The following DIAPH2 variants were observed in gnomAD, a reference collection of about 807,000 sequenced individuals.
DIAPH2 encodes diaphanous related formin 2.
In DIAPH2, 35 loss-of-function variants were observed where a neutral mutation model predicts 92.7. The observed-to-expected ratio is 0.38, with a 90% CI of 0.29 to 0.50. The LOEUF (loss-of-function observed/expected upper bound fraction) is 0.50. Ranked by LOEUF, DIAPH2 falls within the 20% of genes least tolerant of loss-of-function variation. The probability of loss-of-function intolerance (pLI) is 0.94; values close to 1 mark genes in which losing one functional copy is unlikely to be tolerated. For missense variants in DIAPH2, 701 were observed against 819.5 expected, an observed-to-expected ratio of 0.86 and a Z score of 1.77; for synonymous variants, 301 against 280.4, an observed-to-expected ratio of 1.07 and a Z score of -0.73.
intron 5 of DIAPH2, among the ~76,000 whole-genome samples, chrX:96,902,534 G>T (rs2065404995): frequency 9.0e-6 from 1 of 111,078 alleles, no homozygotes; most frequent in Non-Finnish European, 1.9e-5. Flanking sequence ...ATTTTTAAGT[G>T]TTCTCATAAC....
intron 1 of DIAPH2, among the ~76,000 whole-genome samples, chrX:96,723,266 T>G (rs190318022): frequency 1.8e-4 from 20 of 111,955 alleles, no homozygotes; most frequent in Admixed American, 1.5e-3. Context: ...TGAGGGAATT[T>G]AGATGCCAGG....
At chrX:96,715,759 G>A (rs938076845) in intron 1 of DIAPH2, among the ~76,000 whole-genome samples, 1 of 111,617 alleles carries the variant, frequency 9.0e-6, no homozygotes, top group South Asian at 3.8e-4. Context: ...GATGAGAAAC[G>A]ATTAGGGTTT....
At chrX:97,199,243 G>A (rs2067728499) in intron 22 of DIAPH2, among the ~76,000 whole-genome samples, 1 of 109,920 alleles carries the variant, frequency 9.1e-6, no homozygotes, top group Admixed American at 9.8e-5. Flanking sequence ...GTGTGTGTGT[G>A]TACGTGTGTG....
chrX:97,436,799 C>T (rs140108377), intron 26 of DIAPH2, among the ~76,000 whole-genome samples: 1,230 of 111,659 alleles, frequency 0.011, 16 homozygotes, highest in African/African-American at 0.038. Flanking sequence ...TAATATCATG[C>T]ATTTCTACGC....
intron 25 of DIAPH2, among the ~76,000 whole-genome samples, chrX:97,403,854 C>CTTT (rs775278102): frequency 1.3e-3 from 125 of 98,293 alleles, no homozygotes; most frequent in African/African-American, 4.2e-3. Context: ...ACAGATAATC[C>CTTT]TTTTTTTTTT....
intron 17 of DIAPH2, among the ~76,000 whole-genome samples, chrX:96,992,351 G>A (rs1448020859): frequency 9.0e-6 from 1 of 111,403 alleles, no homozygotes; most frequent in Non-Finnish European, 1.9e-5. Flanking sequence ...GATAATGAAA[G>A]CACATAACAA....
intron 4 of DIAPH2, among the ~76,000 whole-genome samples, chrX:96,787,316 A>G (rs1029649957): frequency 1.7e-4 from 19 of 111,532 alleles, no homozygotes; most frequent in African/African-American, 5.9e-4. Context: ...CAATAAATGG[A>G]TTTTGAACTA....
intron 17 of DIAPH2, among the ~76,000 whole-genome samples, chrX:97,044,820 T>C (rs1480286718): frequency 9.0e-6 from 1 of 111,300 alleles, no homozygotes; most frequent in Admixed American, 9.5e-5. Flanking sequence ...TTCTCTATTA[T>C]TCTATTAGTC....
intron 26 of DIAPH2, among the ~76,000 whole-genome samples, chrX:97,515,262 G>A (rs1415899307): frequency 8.9e-6 from 1 of 112,492 alleles, no homozygotes; most frequent in East Asian, 2.8e-4. Context: ...GGGTGGGAGT[G>A]ATCCGATTTT....
intron 4 of DIAPH2, among the ~76,000 whole-genome samples, chrX:96,868,821 A>T (rs753528758): frequency 3.6e-5 from 4 of 112,065 alleles, no homozygotes; most frequent in Non-Finnish European, 5.6e-5. Flanking sequence ...GCACAGTAAG[A>T]GATAGATGCC....
At chrX:97,422,780 G>C (rs1399752001) in intron 25 of DIAPH2, among the ~76,000 whole-genome samples, 2 of 111,497 alleles carry the variant, frequency 1.8e-5, no homozygotes, top group African/African-American at 6.5e-5. Context: ...GAGGAGTAAG[G>C]GGTATTCTAA....
intron 1 of DIAPH2, among the ~76,000 whole-genome samples, chrX:96,718,336 G>GTTTTTTTTTTTTTTTTTTTTTTTTTTTT (rs962776012): frequency 9.1e-5 from 1 of 10,987 alleles, no homozygotes; most frequent in Non-Finnish European, 1.4e-4. Context: ...CATTTTCTTT[G>GTTTTTTTTTTTTTTTTTTTTTTTTTTTT]TTTTTTTTTT....
intron 26 of DIAPH2, among the ~76,000 whole-genome samples, chrX:97,508,278 A>G (rs1287050964): frequency 1.8e-5 from 2 of 112,107 alleles, no homozygotes; most frequent in African/African-American, 6.5e-5. Flanking sequence ...CTACACTGCT[A>G]TTAGTCTAAA....
intron 4 of DIAPH2, among the ~76,000 whole-genome samples, chrX:96,866,038 C>T (rs1316265116): frequency 8.9e-6 from 1 of 112,077 alleles, no homozygotes; most frequent in Admixed American, 9.4e-5. Context: ...ATTTTCATGA[C>T]TCCAAAATTA....
At chrX:97,472,985 A>G (rs754304015) in intron 26 of DIAPH2, among the ~76,000 whole-genome samples, 42 of 111,758 alleles carry the variant, frequency 3.8e-4, no homozygotes, top group South Asian at 7.5e-4. Flanking sequence ...TTCTCCACTT[A>G]TATAAGTCCA....
At chrX:96,939,932 G>A (rs1195415645) in intron 12 of DIAPH2, among the ~76,000 whole-genome samples, 1 of 86,211 alleles carries the variant, frequency 1.2e-5, no homozygotes, top group Non-Finnish European at 2.1e-5. Flanking sequence ...CAAAGTGCTG[G>A]GATTACAGGC....
chrX:96,912,672 A>C (rs189633706), intron 7 of DIAPH2, 120 bp downstream of exon 7: 9,130 of 826,827 alleles, frequency 0.011, 44 homozygotes, highest in Non-Finnish European at 0.013. Context: ...GTACATGTAT[A>C]TAGGCGAACA....
At chrX:97,465,681 G>A (rs887200783) in intron 26 of DIAPH2, among the ~76,000 whole-genome samples, 34 of 111,260 alleles carry the variant, frequency 3.1e-4, no homozygotes, top group African/African-American at 1.1e-3. Flanking sequence ...CAAACCAACC[G>A]GAATTTTGTT....
At position 96,718,596 on chromosome X, in the gene DIAPH2, C is replaced by T. The variant is rs758153315; in HGVS notation, c.133-17162C>T. Among the ~76,000 whole-genome samples the T allele has an allele frequency of 1.5e-3, 169 of 109,238 alleles. 2 individuals are homozygous for T. Among genetic ancestry groups the T allele is most frequent in the Non-Finnish European group, 2.8e-3 (147 of 52,484 alleles). The allele number at this position is 109,238 out of a possible 115,157, so 94.9% of individuals were successfully genotyped here. A position where few individuals can be genotyped will look rare whatever the true frequency, so the allele number is the denominator to read the frequency against. On this transcript the variant is annotated intron_variant, in intron 1 of 26. Coordinates refer to ENST00000324765, the MANE Select transcript of DIAPH2 (RefSeq NM_006729.5). ...CTTGAACTCCTGACCTCAGGTAATC[C>T]ACCCGCCTCAGCCTCCCAAAATGCT...
Sources: allele counts gnomAD v4.1 joint callset (sites outside exome capture counted in the v4.1 genomes callset), GRCh38; gene constraint gnomAD v4.1.1; transcripts MANE v1.5; gene names NCBI Gene and HGNC (gene_info 2026-07-23, HGNC 2026-07-21).